The following AARS1 variants were observed in gnomAD, a reference collection of about 807,000 sequenced individuals.
AARS1 encodes the protein alanine--tRNA ligase, cytoplasmic.
AARS1 carries 72 observed loss-of-function variants against 108.9 expected under a neutral mutation model. That is an observed-to-expected ratio of 0.66 (90% CI 0.55 to 0.80). The LOEUF is 0.80. AARS1 is among the 30% of genes least tolerant of loss of function. AARS1 has a pLI of 0.00. For synonymous variants in AARS1, 489 were observed against 465.7 expected, an observed-to-expected ratio of 1.05 and a Z score of -0.64; for missense variants, 1,193 against 1,233.2, an observed-to-expected ratio of 0.97 and a Z score of 0.49.
intron 11 of AARS1, among the ~76,000 whole-genome samples, chr16:70,264,048 C>A (rs1483536089): frequency 6.6e-6 from 1 of 151,784 alleles, no homozygotes; most frequent in South Asian, 2.1e-4. Flanking sequence ...GAGTTTGAGA[C>A]CTGCCTGGCA....
At chr16:70,274,965 C>A (rs1008324807) in intron 4 of AARS1, among the ~76,000 whole-genome samples, 3 of 150,706 alleles carry the variant, frequency 2.0e-5, no homozygotes, top group South Asian at 2.1e-4. Context: ...TGGCTTTCAA[C>A]AACAGAATGA....
intron 1 of AARS1, among the ~76,000 whole-genome samples, chr16:70,283,453 G>A (rs1960758236): frequency 6.6e-6 from 1 of 151,938 alleles, no homozygotes; most frequent in Non-Finnish European, 1.5e-5. Context: ...AAAACCCTCA[G>A]TTTAGTCCAA....
At chr16:70,277,635 G>A (rs138596370) in intron 2 of AARS1, among the ~76,000 whole-genome samples, 116 of 152,218 alleles carry the variant, frequency 7.6e-4, no homozygotes, top group Middle Eastern at 3.4e-3. Flanking sequence ...TAGCTGGGAC[G>A]GCCTTGCTCT....
intron 1 of AARS1, among the ~76,000 whole-genome samples, chr16:70,283,437 G>A (rs1035824374): frequency 5.3e-5 from 8 of 151,982 alleles, no homozygotes; most frequent in Non-Finnish European, 8.8e-5. Flanking sequence ...GAAAAAAAGG[G>A]GGAGAAAAAC....
At chr16:70,269,824 C>G in intron 6 of AARS1, 61 bp from the exon 7 acceptor site, 1 of 1,604,402 alleles carries the variant, frequency 6.2e-7, no homozygotes. Context: ...CTACCTTGCC[C>G]AAGGAGGTTC....
rs546428020 is a variant in AARS1 at position 70,271,174 on chromosome 16, CCAAAAACAAAAA to C, written c.671+595_671+606del. Among the ~76,000 whole-genome samples, 228 of 149,292 alleles carry C rather than the reference CCAAAAACAAAAA, an allele frequency of 1.5e-3. 1 individual carries two copies. The highest frequency in any genetic ancestry group is 0.011 in the Middle Eastern group (3 of 278). On this transcript the variant is annotated intron_variant, in intron 5 of 20. Transcript: ENST00000261772. ...TGGGTGACAGAGCAAGACTCCATCTCCAAAAACAAAAACAAAAACAAAAACAAAACTGAGGCA... is the reference window on the plus strand; with the variant it reads ...TGGGTGACAGAGCAAGACTCCATCTCCAAAAACAAAAACAAAACTGAGGCA...
chr16:70,278,786 T>C (rs1394438943), intron 2 of AARS1, among the ~76,000 whole-genome samples: 2 of 151,544 alleles, frequency 1.3e-5, no homozygotes, highest in Non-Finnish European at 2.9e-5. Flanking sequence ...GGGTGCCTAA[T>C]ATCATTTCAA....
At position 70,255,740 on chromosome 16, in the gene AARS1, G is replaced by A. The variant is rs143430116; in HGVS notation, c.2274C>T (p.Ala758=). The change falls in exon 16 of 21, where the codon GCC becomes GCT. Residue 758 remains alanine (A), a synonymous_variant. Transcript: ENST00000261772. ...CTGACCTGCTCACCTTCTGGGCCTC[G>A]GCACCTGTGACAGCCACAATCCTCC... is the stretch of plus-strand genomic sequence containing the variant. ...GIRRIVAVTG[A]EAQKALRKAE... is the part of the protein sequence containing the mutation. The A allele has an allele frequency of 8.1e-6, 13 of 1,614,064 alleles. No homozygotes were observed. In the Admixed American group the frequency reaches 1.0e-4, roughly 12 times the overall value.
intron 5 of AARS1, among the ~76,000 whole-genome samples, chr16:70,271,300 G>A (rs1193161235): frequency 6.6e-6 from 1 of 152,010 alleles, no homozygotes; most frequent in Non-Finnish European, 1.5e-5. Context: ...AGGCTGAGGC[G>A]GGCGGATCAC....
At chr16:70,269,347 A>C (rs1448810512) in intron 7 of AARS1, among the ~76,000 whole-genome samples, 3 of 77,952 alleles carry the variant, frequency 3.8e-5, no homozygotes, top group East Asian at 3.4e-4. Context: ...AAAAAAAAAA[A>C]AAAAAAAAAA....
chr16:70,270,374 G>C (rs200077504), intron 5 of AARS1, 34 bp from the exon 6 acceptor site: 2 of 1,613,830 alleles, frequency 1.2e-6, no homozygotes, highest in East Asian at 4.5e-5. Flanking sequence ...GGTTGAAGCA[G>C]AGACTCAAGC....
chr16:70,273,457 T>A (rs1249069262), intron 4 of AARS1, among the ~76,000 whole-genome samples: 1 of 152,146 alleles, frequency 6.6e-6, no homozygotes, highest in Non-Finnish European at 1.5e-5. Context: ...GTGGCTCATA[T>A]CTGTAATCCC....
chr16:70,288,565 CTTTTT>C (rs35168298), intron 1 of AARS1, among the ~76,000 whole-genome samples: 59 of 102,966 alleles, frequency 5.7e-4, no homozygotes, highest in Non-Finnish European at 5.9e-4. Flanking sequence ...GTTCTGGGCT[CTTTTT>C]TTTTTTTTTT....
Position 70,282,636 on chromosome 16 carries a change from T to C in AARS1, c.128A>G (p.Asn43Ser), listed in dbSNP as rs748803390. Residue 43 changes from asparagine to serine, a missense_variant, in exon 2 of 21, where the codon AAT becomes AGT. By Grantham distance (46) the Asn-to-Ser change is conservative. Transcript: ENST00000261772. ...PLDDPTLLFA[N>S]AGMNQFKPIF... Reference sequence around the variant, plus strand: ...AACCCTTACCTGGTTCATGCCTGCATTGGCAAAGAGCAAAGTGGGGTCATC... The same window carrying C: ...AACCCTTACCTGGTTCATGCCTGCACTGGCAAAGAGCAAAGTGGGGTCATC... 85 of 1,614,034 alleles carry C rather than the reference T, an allele frequency of 5.3e-5. No homozygotes were observed. Among genetic ancestry groups the C allele is most frequent in the African/African-American group, 4.0e-5 (3 of 74,914 alleles).
intron 7 of AARS1, among the ~76,000 whole-genome samples, chr16:70,269,344 A>AAC: frequency 7.2e-6 from 1 of 138,308 alleles, no homozygotes; most frequent in Admixed American, 7.3e-5. Context: ...AAAAAAAAAA[A>AAC]AAAAAAAAAA....
chr16:70,279,274 C>G, intron 2 of AARS1, among the ~76,000 whole-genome samples: 1 of 144,914 alleles, frequency 6.9e-6, no homozygotes, highest in South Asian at 2.2e-4. Flanking sequence ...CTGCTTGAAC[C>G]TGGGAGGCAG....
At chr16:70,273,864 A>C (rs1271058200) in intron 4 of AARS1, among the ~76,000 whole-genome samples, 52 of 42,256 alleles carry the variant, frequency 1.2e-3, no homozygotes, top group African/African-American at 5.7e-3. Context: ...CTCCGTCTCC[A>C]AAAAAAAAAA....
intron 2 of AARS1, among the ~76,000 whole-genome samples, chr16:70,278,305 C>T (rs1166105134): frequency 6.6e-6 from 1 of 151,854 alleles, no homozygotes; most frequent in Non-Finnish European, 1.5e-5. Flanking sequence ...TGGCTCATGC[C>T]TGTAATCCCC....
chr16:70,267,986 G>A (rs900826087), intron 8 of AARS1, among the ~76,000 whole-genome samples, 177 bp from the exon 9 acceptor site: 3 of 152,136 alleles, frequency 2.0e-5, no homozygotes, highest in East Asian at 1.9e-4. Context: ...TGGGCAACAC[G>A]GTGAAACCCT....
Sources: allele counts gnomAD v4.1 joint callset (sites outside exome capture counted in the v4.1 genomes callset), GRCh38; gene constraint gnomAD v4.1.1; transcripts MANE v1.5; gene names NCBI Gene and HGNC (gene_info 2026-07-23, HGNC 2026-07-21).